The following TNR variants were observed in gnomAD, a reference collection of about 807,000 sequenced individuals.
TNR encodes tenascin R, also known as tenascin-R.
TNR carries 45 observed loss-of-function variants against 150.4 expected under a neutral mutation model. The ratio of observed to expected loss-of-function variants is 0.30; its 90% CI spans 0.24 to 0.38. The LOEUF (loss-of-function observed/expected upper bound fraction) is 0.38. TNR is among the 10% of genes least tolerant of loss of function. TNR has a pLI of 1.00. For synonymous variants in TNR, 687 were observed against 678.4 expected, an observed-to-expected ratio of 1.01 and a Z score of -0.20; for missense variants, 1,544 against 1,759.1, an observed-to-expected ratio of 0.88 and a Z score of 2.19.
intron 2 of TNR, among the ~76,000 whole-genome samples, chr1:175,468,890 C>T (rs372177583): frequency 6.6e-6 from 1 of 151,920 alleles, no homozygotes; most frequent in South Asian, 2.1e-4. Context: ...ACAAAGCTGG[C>T]GGCCTTGGGG....
At chr1:175,560,691 A>G (rs1429177048) in intron 1 of TNR, among the ~76,000 whole-genome samples, 1 of 152,216 alleles carries the variant, frequency 6.6e-6, no homozygotes, top group Non-Finnish European at 1.5e-5. Flanking sequence ...AGGCTGTACA[A>G]TCTGAAATCT....
intron 20 of TNR, among the ~76,000 whole-genome samples, chr1:175,331,723 C>T (rs1477029299): frequency 6.6e-6 from 1 of 152,126 alleles, no homozygotes; most frequent in Non-Finnish European, 1.5e-5. Flanking sequence ...ACTAGAGTCC[C>T]CTTGCTTTGC....
intron 1 of TNR, among the ~76,000 whole-genome samples, chr1:175,632,974 G>A (rs113264889): frequency 3.9e-4 from 60 of 152,298 alleles, no homozygotes; most frequent in African/African-American, 1.4e-3. Context: ...GCCATATACA[G>A]CTCACTGTAG....
intron 1 of TNR, among the ~76,000 whole-genome samples, chr1:175,567,024 T>A (rs547399530): frequency 1.3e-5 from 2 of 152,280 alleles, no homozygotes; most frequent in South Asian, 4.2e-4. Flanking sequence ...ATGTTTTTAT[T>A]TTCTGCCCTG....
In TNR at chr1:175,703,303, G is replaced by A. The variant is rs59387757; in HGVS notation, c.-165+39923C>T. ...GTTAATAGCTCTTTGTTTCTAATAA[G>A]ATCTCTACTAACCCTTCTGTGAACT... On this transcript the variant is annotated intron_variant, in intron 1 of 22. Coordinates refer to ENST00000367674, the MANE Select transcript of TNR (RefSeq NM_003285.3). Among the ~76,000 whole-genome samples, 700 of 152,242 alleles carry A rather than the reference G, an allele frequency of 4.6e-3. 3 individuals are homozygous for A. Among genetic ancestry groups the A allele is most frequent in the African/African-American group, 0.016 (666 of 41,562 alleles).
chr1:175,551,104 T>G (rs951680600), intron 1 of TNR, among the ~76,000 whole-genome samples: 1 of 152,082 alleles, frequency 6.6e-6, no homozygotes, highest in African/African-American at 2.4e-5. Context: ...AAGAAATATA[T>G]AAGAAAGTTC....
At chr1:175,417,917 T>TA (rs1431201449) in intron 2 of TNR, among the ~76,000 whole-genome samples, 2 of 152,204 alleles carry the variant, frequency 1.3e-5, no homozygotes, top group East Asian at 3.9e-4. Context: ...GAAGTGGCAA[T>TA]GTATTAAAGT....
chr1:175,598,917 T>C lies in TNR; in HGVS notation c.-164-70548A>G, dbSNP rs111462941. The stretch of plus-strand genomic sequence containing the variant: ...TGCTCTAATGAATCTGTAAGCTCCA[T>C]GAGGGCAGAAATCCAACGTGTGCAG... On this transcript the variant is annotated intron_variant, in intron 1 of 22. Transcript: ENST00000367674. Among the ~76,000 whole-genome samples, 734 of 152,306 alleles carry C rather than the reference T, an allele frequency of 4.8e-3. 3 individuals are homozygous for C. The highest frequency in any genetic ancestry group is 0.017 in the Middle Eastern group (5 of 294).
At chr1:175,630,460 T>C (rs1428787965) in intron 1 of TNR, among the ~76,000 whole-genome samples, 1 of 152,240 alleles carries the variant, frequency 6.6e-6, no homozygotes, top group Non-Finnish European at 1.5e-5. Context: ...GCAGCCGCCA[T>C]GTAGCAGGCA....
intron 2 of TNR, among the ~76,000 whole-genome samples, chr1:175,418,434 G>T (rs1029195182): frequency 2.6e-5 from 4 of 152,310 alleles, no homozygotes; most frequent in Non-Finnish European, 5.9e-5. Flanking sequence ...AATGGAAAAG[G>T]CAGTTGAGGC....
intron 1 of TNR, among the ~76,000 whole-genome samples, chr1:175,676,653 G>A (rs933505349): frequency 6.6e-6 from 1 of 152,168 alleles, no homozygotes; most frequent in Non-Finnish European, 1.5e-5. Flanking sequence ...AAGAGGAAAA[G>A]CAGCCAGAAA....
chr1:175,449,262 TCACA>T (rs1656199131), intron 2 of TNR, among the ~76,000 whole-genome samples: 1 of 152,196 alleles, frequency 6.6e-6, no homozygotes, highest in Non-Finnish European at 1.5e-5. Flanking sequence ...TCCTTTGTTC[TCACA>T]CACACAAACA....
intron 2 of TNR, among the ~76,000 whole-genome samples, chr1:175,424,361 G>T (rs1261875937): frequency 1.3e-5 from 2 of 152,174 alleles, no homozygotes; most frequent in African/African-American, 4.8e-5. Flanking sequence ...TTCCCAACAA[G>T]GGAAAAGCTT....
At chr1:175,358,760 A>G (rs1651446983) in intron 15 of TNR, among the ~76,000 whole-genome samples, 1 of 152,220 alleles carries the variant, frequency 6.6e-6, no homozygotes, top group African/African-American at 2.4e-5. Context: ...TGTAAGGTGA[A>G]CAAGCATGAT....
chr1:175,476,911 T>C (rs1019931792), intron 2 of TNR, among the ~76,000 whole-genome samples: 3 of 152,186 alleles, frequency 2.0e-5, no homozygotes, highest in African/African-American at 4.8e-5. Context: ...ATCTATTATC[T>C]AGGCCTATGA....
chr1:175,518,768 T>C (rs1659517325), intron 2 of TNR, among the ~76,000 whole-genome samples: 1 of 152,174 alleles, frequency 6.6e-6, no homozygotes, highest in Non-Finnish European at 1.5e-5. Context: ...ACCTCCCTTA[T>C]CGCCCCCTCT....
intron 9 of TNR, among the ~76,000 whole-genome samples, chr1:175,372,323 G>A (rs1461307720): frequency 6.6e-6 from 1 of 152,190 alleles, no homozygotes; most frequent in African/African-American, 2.4e-5. Context: ...CAAAGCAGAG[G>A]CTGCTAACTA....
At chr1:175,615,873 T>A (rs1341880218) in intron 1 of TNR, among the ~76,000 whole-genome samples, 1 of 152,206 alleles carries the variant, frequency 6.6e-6, no homozygotes, top group Non-Finnish European at 1.5e-5. Flanking sequence ...CTTTGCATAG[T>A]AGTTAAGAAT....
intron 1 of TNR, among the ~76,000 whole-genome samples, chr1:175,582,122 C>T (rs1483771776): frequency 6.6e-6 from 1 of 152,184 alleles, no homozygotes; most frequent in Non-Finnish European, 1.5e-5. Context: ...AAAATATTAT[C>T]TCATGACTTT....
Sources: gnomAD v4.1 joint callset for allele counts (sites outside exome capture counted in the v4.1 genomes callset) on GRCh38, gnomAD v4.1.1 for gene constraint, MANE v1.5 for transcripts, NCBI Gene and HGNC (gene_info 2026-07-23, HGNC 2026-07-21) for gene names.